GPHN: variants seen among roughly 807,000 people sequenced by gnomAD.
The protein encoded by GPHN is gephyrin.
A neutral mutation model predicts 95.5 loss-of-function variants in GPHN; 17 were observed. The ratio of observed to expected loss-of-function variants is 0.18; its 90% CI spans 0.12 to 0.27. The LOEUF (loss-of-function observed/expected upper bound fraction) is 0.27, where lower values mean the gene tolerates loss of function less well. Among genes scored for constraint, GPHN ranks in the 10% least tolerant of loss-of-function variants. GPHN has a pLI of 1.00. For synonymous variants in GPHN, 320 were observed against 322.5 expected, an observed-to-expected ratio of 0.99 and a Z score of 0.08; for missense variants, 660 against 978.1, an observed-to-expected ratio of 0.67 and a Z score of 4.34.
At chr14:66,650,162 T>C (rs1366514021) in intron 1 of GPHN, among the ~76,000 whole-genome samples, 1 of 151,170 alleles carries the variant, frequency 6.6e-6, no homozygotes, top group African/African-American at 2.4e-5. Context: ...TTCATTGCAG[T>C]AGGTGATTTC....
At chr14:66,645,711 A>T (rs891751746) in intron 1 of GPHN, among the ~76,000 whole-genome samples, 18 of 151,332 alleles carry the variant, frequency 1.2e-4, no homozygotes, top group East Asian at 5.8e-4. Flanking sequence ...AAAAAAGAAA[A>T]TTTTTTTTAA....
chr14:66,774,676 ATT>A (rs2059317050), intron 2 of GPHN, among the ~76,000 whole-genome samples: 1 of 152,104 alleles, frequency 6.6e-6, no homozygotes, highest in African/African-American at 2.4e-5. Flanking sequence ...ATTGAACATA[ATT>A]TTTCTCTAAC....
the GPHN span, among the ~76,000 whole-genome samples, chr14:67,567,082 C>G: frequency 1.3e-5 from 2 of 152,102 alleles, no homozygotes; most frequent in East Asian, 3.9e-4. Context: ...TAACTTGCTC[C>G]TGGGGAAAAC....
chr14:67,277,241 C>T, the GPHN span, among the ~76,000 whole-genome samples: 6 of 152,174 alleles, frequency 3.9e-5, no homozygotes, highest in East Asian at 1.2e-3. Context: ...AAGGTGCTTA[C>T]GTGTAGATCA....
the GPHN span, among the ~76,000 whole-genome samples, chr14:67,594,150 A>G: frequency 5.9e-5 from 9 of 152,340 alleles, no homozygotes; most frequent in Admixed American, 2.0e-4. Context: ...AATGTCCATC[A>G]CAGCAATCTC....
chr14:66,844,708 C>G (rs1294185892), intron 4 of GPHN, among the ~76,000 whole-genome samples: 1 of 151,968 alleles, frequency 6.6e-6, no homozygotes, highest in Non-Finnish European at 1.5e-5. Context: ...ATTTCAGTAG[C>G]TTTTTAAAAT....
At chr14:67,356,843 G>C in the GPHN span, among the ~76,000 whole-genome samples, 107 of 152,282 alleles carry the variant, frequency 7.0e-4, no homozygotes, top group African/African-American at 2.6e-3. Context: ...CCATCTCAAT[G>C]TGTGCATTTA....
the GPHN span, chr14:67,585,982 TGAC>T: frequency 6.2e-7 from 1 of 1,613,868 alleles, no homozygotes; most frequent in Non-Finnish European, 8.5e-7. Context: ...TACTCTTCAG[TGAC>T]AACGTTTGGT....
At chr14:66,696,430 A>C (rs1171134633) in intron 2 of GPHN, among the ~76,000 whole-genome samples, 1 of 152,198 alleles carries the variant, frequency 6.6e-6, no homozygotes, top group Non-Finnish European at 1.5e-5. Flanking sequence ...CTAAGAAATA[A>C]TGTGGTGGTG....
At chr14:67,042,117 C>G (rs970609724) in intron 10 of GPHN, among the ~76,000 whole-genome samples, 3 of 151,656 alleles carry the variant, frequency 2.0e-5, no homozygotes, top group Non-Finnish European at 4.4e-5. Flanking sequence ...GATATTAGCC[C>G]TTTGTCAGAT....
chr14:67,011,665 A>G (rs986732621), intron 9 of GPHN, among the ~76,000 whole-genome samples: 4 of 150,882 alleles, frequency 2.7e-5, no homozygotes, highest in African/African-American at 7.3e-5. Flanking sequence ...GAATAATGCT[A>G]TATTTCCCAG....
intron 1 of GPHN, among the ~76,000 whole-genome samples, chr14:66,554,544 C>CGA (rs1378852467): frequency 6.6e-6 from 1 of 152,132 alleles, no homozygotes. Flanking sequence ...ACAGGAAAAA[C>CGA]TATCATTTAT....
chr14:67,273,025 TGAG>T, the GPHN span, among the ~76,000 whole-genome samples: 1 of 148,950 alleles, frequency 6.7e-6, no homozygotes, highest in South Asian at 2.1e-4. Flanking sequence ...CTGTCCTAGT[TGAG>T]GACCGCATTT....
At chr14:66,854,851 T>C (rs2062733282) in intron 4 of GPHN, among the ~76,000 whole-genome samples, 1 of 152,172 alleles carries the variant, frequency 6.6e-6, no homozygotes, top group South Asian at 2.1e-4. Context: ...TAGCCTTTTT[T>C]TTTTTTTTTC....
At chr14:66,617,575 T>C (rs1330874601) in intron 1 of GPHN, among the ~76,000 whole-genome samples, 2 of 152,136 alleles carry the variant, frequency 1.3e-5, no homozygotes, top group African/African-American at 4.8e-5. Context: ...GATACCTTAA[T>C]TGCTGGTGAG....
intron 8 of GPHN, among the ~76,000 whole-genome samples, chr14:66,961,900 GTATATATA>G (rs767734322): frequency 0.012 from 652 of 52,954 alleles, 13 homozygotes; most frequent in Non-Finnish European, 0.02. Context: ...CCCTGAATGT[GTATATATA>G]TATATATATA....
chr14:67,344,023 A>G, the GPHN span, among the ~76,000 whole-genome samples: 1 of 152,194 alleles, frequency 6.6e-6, no homozygotes, highest in Non-Finnish European at 1.5e-5. Flanking sequence ...CTGAGTAAGG[A>G]AATCTTAAGT....
chr14:66,855,057 A>G (rs2062742823), intron 4 of GPHN, among the ~76,000 whole-genome samples: 1 of 151,978 alleles, frequency 6.6e-6, no homozygotes, highest in Non-Finnish European at 1.5e-5. Flanking sequence ...ATGTTAGCCA[A>G]GCTGGCCTCC....
the GPHN span, among the ~76,000 whole-genome samples, chr14:67,261,697 A>G: frequency 1.5e-3 from 227 of 152,030 alleles, no homozygotes; most frequent in Non-Finnish European, 2.7e-3. Context: ...CACTTTACAT[A>G]TGTAGTAGGA....
Sources: allele counts gnomAD v4.1 joint callset (sites outside exome capture counted in the v4.1 genomes callset), GRCh38; gene constraint gnomAD v4.1.1; transcripts MANE v1.5; gene names NCBI Gene and HGNC (gene_info 2026-07-23, HGNC 2026-07-21).